TTC21B: variants seen among roughly 807,000 people sequenced by gnomAD.
TTC21B encodes tetratricopeptide repeat domain 21B, also known as tetratricopeptide repeat protein 21B.
A neutral mutation model predicts 175.1 loss-of-function variants in TTC21B; 127 were observed. That is an observed-to-expected ratio of 0.73 (90% CI 0.63 to 0.84). TTC21B has a LOEUF of 0.84. Ranked by LOEUF, TTC21B falls within the 40% of genes least tolerant of loss-of-function variation. The pLI is 0.00. For missense variants in TTC21B, 1,561 were observed against 1,558.3 expected (o/e 1.00, Z -0.03); for synonymous variants, 524 against 524.5 (o/e 1.00, Z 0.01).
intron 26 of TTC21B, among the ~76,000 whole-genome samples, chr2:165,882,562 T>G (rs1467280537): frequency 6.6e-6 from 1 of 152,146 alleles, no homozygotes. Context: ...ATGGATAGCT[T>G]CCTTCATCAT....
chr2:165,886,501 GA>G (rs1020594105), intron 25 of TTC21B, among the ~76,000 whole-genome samples: 2 of 151,376 alleles, frequency 1.3e-5, no homozygotes, highest in Non-Finnish European at 2.9e-5. Flanking sequence ...GGAGTTAAAA[GA>G]AAAAAAAGTG....
In TTC21B at chr2:165,917,361, C is replaced by T. The variant is rs555667230; in HGVS notation, c.1795G>A (p.Gly599Arg). The part of the protein sequence containing the change: ...AMSLPGMKRI[G>R]ASTKSKDRKT... ...CTGTCTTTTGATTTTGTGGAAGCTC[C>T]AATTCTTTTCATTCCTGGTAAACTC... is the stretch of plus-strand genomic sequence containing the variant. Residue 599 changes from glycine to arginine, a missense_variant, in exon 14 of 29, where the codon GGA becomes AGA. Coordinates refer to ENST00000243344, the MANE Select transcript of TTC21B (RefSeq NM_024753.5). 5 of 1,613,954 alleles carry T rather than the reference C, an allele frequency of 3.1e-6. 1 individual carries two copies. The highest frequency in any genetic ancestry group is 1.6e-4 in the Middle Eastern group (1 of 6,082).
intron 3 of TTC21B, chr2:165,948,966 C>A (rs573414022): frequency 5.5e-6 from 1 of 181,074 alleles, no homozygotes; most frequent in East Asian, 1.5e-4. Flanking sequence ...CAAGAGCTAG[C>A]CCTCATAAAG....
intron 3 of TTC21B, 28 bp downstream of exon 3, chr2:165,949,365 GT>G (rs770195836): frequency 1.3e-6 from 2 of 1,490,568 alleles, no homozygotes; most frequent in South Asian, 2.3e-5. Context: ...AGGAAAAAAT[GT>G]CCTAAGCATT....
chr2:165,912,555 T>A lies in TTC21B; in HGVS notation c.2281A>T (p.Lys761Ter). 6.2e-7 allele frequency: 1 copy of A among 1,614,186 alleles called. No individual in the cohort carries two copies. Among genetic ancestry groups the A allele is most frequent in the South Asian group, 1.1e-5 (1 of 91,084 alleles). Residue 761 changes from lysine (K) to a stop codon, truncating the protein, a stop_gained, in exon 17 of 29, where the codon AAA (lysine) becomes TAA (stop). Coordinates refer to ENST00000243344, the MANE Select transcript of TTC21B (RefSeq NM_024753.5). LOFTEE classifies it high-confidence loss of function. ...QNPKDGTLASKMGKALIKTHN... is the reference protein window; with the variant it reads ...QNPKDGTLAS The stretch of plus-strand genomic sequence containing the variant: ...GTTTTGATAAGTGCTTTGCCCATTT[T>A]GCTTGCCAATGTTCCATCTTTCGGG...
chr2:165,923,449 T>G (rs1471598087), intron 12 of TTC21B, among the ~76,000 whole-genome samples: 1 of 150,838 alleles, frequency 6.6e-6, no homozygotes. Flanking sequence ...GGTCTTTTTT[T>G]TTTTTTTTTT....
At chr2:165,953,563 C>A in intron 1 of TTC21B, 122 bp downstream of exon 1, 1 of 1,476,108 alleles carries the variant, frequency 6.8e-7, no homozygotes, top group Non-Finnish European at 9.1e-7. Flanking sequence ...GCAGCCGGGG[C>A]ACCGCAGGGA....
chr2:165,923,469 C>G (rs1300979802), intron 12 of TTC21B, among the ~76,000 whole-genome samples: 1 of 133,560 alleles, frequency 7.5e-6, no homozygotes, highest in Non-Finnish European at 1.6e-5. Context: ...TTTTCCAAGA[C>G]AGAGTCTCAC....
Position 165,933,169 on chromosome 2 carries a change from T to G in TTC21B, c.711-112A>C. 4 of 766,420 alleles carry G rather than the reference T, an allele frequency of 5.2e-6. No individual in the cohort carries two copies. In the East Asian group the frequency reaches 8.3e-5, roughly 16 times the overall value. The allele number at this position is 766,420 out of a possible 1,614,324, so 47.5% of individuals were successfully genotyped here. On this transcript the variant is annotated intron_variant, in intron 6 of 28. Coordinates refer to ENST00000243344, the MANE Select transcript of TTC21B (RefSeq NM_024753.5). ...ACTATTCCACTGTTCAAATAAGTAATTTTCACTAGTAAAATGTCATCTGCT... is the reference window on the plus strand; with the variant it reads ...ACTATTCCACTGTTCAAATAAGTAAGTTTCACTAGTAAAATGTCATCTGCT...
chr2:165,932,932 T>A, intron 7 of TTC21B, 41 bp downstream of exon 7: 1 of 1,542,362 alleles, frequency 6.5e-7, no homozygotes, highest in Non-Finnish European at 8.9e-7. Flanking sequence ...ATGAAATATA[T>A]TTTTTAATAT....
rs1685080096 is a variant in TTC21B, at chr2:165,888,398, G to A, written c.3340C>T (p.Gln1114Ter). The A allele has an allele frequency of 6.2e-7, 1 of 1,613,946 alleles. No individual in the cohort carries two copies. The highest frequency in any genetic ancestry group is 8.5e-7 in the Non-Finnish European group (1 of 1,179,902). The stretch of plus-strand genomic sequence containing the variant: ...AGCTGTACGTGACCCTGAACAGTCT[G>A]AGGTTTTAGTTCCTTAAGAAGTTTT... ...AEKLLKELKP[Q>*]TVQGHVQLRI... The change falls in exon 25 of 29, where the codon CAG (glutamine) becomes TAG (stop). Residue 1114 changes from glutamine (Q) to a stop codon, truncating the protein, a stop_gained. Transcript: ENST00000243344. LOFTEE classifies it high-confidence loss of function.
rs761813313 is a variant in TTC21B at position 165,943,360 on chromosome 2, T to A, written c.430-19A>T. The A allele has an allele frequency of 6.3e-7, 1 of 1,575,298 alleles. No individual in the cohort carries two copies. Among genetic ancestry groups the A allele is most frequent in the Non-Finnish European group, 8.7e-7 (1 of 1,149,708 alleles). Reference sequence around the variant, plus strand: ...CGTGTCCCTGTAAAATGAATAATTCTATTTTTACTTTTTTAGAAATGAGAG... The same window carrying A: ...CGTGTCCCTGTAAAATGAATAATTCAATTTTTACTTTTTTAGAAATGAGAG... On this transcript the variant is annotated intron_variant, in intron 4 of 28. Coordinates refer to ENST00000243344, the MANE Select transcript of TTC21B (RefSeq NM_024753.5).
At chr2:165,915,176 A>G (rs1263766644) in intron 15 of TTC21B, 25 bp downstream of exon 15, 1 of 1,583,906 alleles carries the variant, frequency 6.3e-7, no homozygotes, top group Non-Finnish European at 8.7e-7. Context: ...GTATCAAAAT[A>G]TAATGGGTTA....
At chr2:165,931,703 T>C in intron 8 of TTC21B, 55 bp downstream of exon 8, 3 of 1,445,142 alleles carry the variant, frequency 2.1e-6, no homozygotes, top group Non-Finnish European at 2.9e-6. Flanking sequence ...TTTCCACTTA[T>C]TTTATGTCCT....
At chr2:165,905,757 C>T (rs1203407804) in intron 19 of TTC21B, among the ~76,000 whole-genome samples, 1 of 152,104 alleles carries the variant, frequency 6.6e-6, no homozygotes, top group Non-Finnish European at 1.5e-5. Flanking sequence ...CAAATAACGA[C>T]CAAACACTAA....
At chr2:165,907,029 C>A (rs911155578) in intron 19 of TTC21B, among the ~76,000 whole-genome samples, 9 of 139,006 alleles carry the variant, frequency 6.5e-5, no homozygotes, top group Non-Finnish European at 1.3e-4. Flanking sequence ...AAATCCTGAA[C>A]AAAATATTAT....
At chr2:165,881,311 A>C (rs1261136148) in intron 26 of TTC21B, among the ~76,000 whole-genome samples, 1 of 152,290 alleles carries the variant, frequency 6.6e-6, no homozygotes, top group East Asian at 1.9e-4. Flanking sequence ...TATCACACCT[A>C]AAATGTTAAT....
At chr2:165,875,532 T>C (rs2105275015) in intron 28 of TTC21B, among the ~76,000 whole-genome samples, 1 of 152,302 alleles carries the variant, frequency 6.6e-6, no homozygotes, top group Non-Finnish European at 1.5e-5. Context: ...ACAATGTATA[T>C]ATAAAGAGAC....
intron 19 of TTC21B, among the ~76,000 whole-genome samples, chr2:165,905,215 A>G (rs1475748579): frequency 6.6e-6 from 1 of 152,208 alleles, no homozygotes; most frequent in Non-Finnish European, 1.5e-5. Flanking sequence ...GAAAAATAAT[A>G]AAAGGAGGTA....
Sources: allele counts gnomAD v4.1 joint callset (sites outside exome capture counted in the v4.1 genomes callset), GRCh38; gene constraint gnomAD v4.1.1; transcripts MANE v1.5; gene names NCBI Gene and HGNC (gene_info 2026-07-23, HGNC 2026-07-21).